Variants in AHCY observed in about 807,000 individuals in gnomAD.
AHCY encodes adenosylhomocysteinase.
AHCY carries 24 observed loss-of-function variants against 45.4 expected under a neutral mutation model. The ratio of observed to expected loss-of-function variants is 0.53; its 90% confidence interval spans 0.38 to 0.74. The LOEUF is 0.74. Ranked by LOEUF, AHCY falls within the 30% of genes least tolerant of loss-of-function variation. The pLI is 0.00. For synonymous variants in AHCY, 245 were observed against 235.1 expected (o/e 1.04, Z -0.39); for missense variants, 449 against 594.1 (o/e 0.76, Z 2.54).
the AHCY span, among the ~76,000 whole-genome samples, chr20:34,275,131 CTTTTTTTTTT>C: frequency 1.0e-5 from 1 of 99,452 alleles, no homozygotes; most frequent in Non-Finnish European, 2.3e-5. Flanking sequence ...TCTCTATTTT[CTTTTTTTTTT>C]TTTTTTTTTG....
chr20:34,269,939 T>A, the AHCY span, among the ~76,000 whole-genome samples: 2 of 73,974 alleles, frequency 2.7e-5, no homozygotes, highest in African/African-American at 7.1e-5. Flanking sequence ...AGCGAGAAAC[T>A]CTGTCTTAAA....
At chr20:34,235,917 A>AGGAGGGAG in the AHCY span, among the ~76,000 whole-genome samples, 1 of 131,074 alleles carries the variant, frequency 7.6e-6, no homozygotes, top group African/African-American at 3.3e-5. Flanking sequence ...GAAGGAAGGA[A>AGGAGGGAG]GGAAGGAAGG....
At chr20:34,263,178 A>C in the AHCY span, among the ~76,000 whole-genome samples, 1 of 152,340 alleles carries the variant, frequency 6.6e-6, no homozygotes, top group East Asian at 1.9e-4. Context: ...TTTTGGATGA[A>C]TGTGGTGTTT....
chr20:34,302,106 T>A, intron 1 of AHCY: 1 of 486,450 alleles, frequency 2.1e-6, no homozygotes, highest in Non-Finnish European at 2.7e-6. Context: ...GCTCAAACAG[T>A]CCTCCTGCCT....
At chr20:34,302,538 A>C in intron 1 of AHCY, 1 of 877,762 alleles carries the variant, frequency 1.1e-6, no homozygotes, top group Non-Finnish European at 1.4e-6. Context: ...CTATAGAGCC[A>C]TGAGACTAGA....
At chr20:34,302,869 G>A in intron 1 of AHCY, 1 of 985,472 alleles carries the variant, frequency 1.0e-6, no homozygotes, top group Non-Finnish European at 1.2e-6. Flanking sequence ...CCGCCCAGCT[G>A]GACAGGGTCC....
chr20:34,274,021 T>G, the AHCY span, among the ~76,000 whole-genome samples: 114,607 of 152,008 alleles, frequency 0.75, 46,128 homozygotes, highest in Non-Finnish European at 0.89. Context: ...ATGCCTTCTT[T>G]TTGCCTGGGG....
At chr20:34,299,064 G>A (rs553682471) in intron 1 of AHCY, among the ~76,000 whole-genome samples, 8 of 152,108 alleles carry the variant, frequency 5.3e-5, no homozygotes, top group African/African-American at 1.2e-4. Flanking sequence ...ACCGGTCTCC[G>A]CGCATTGATG....
downstream of AHCY, among the ~76,000 whole-genome samples, chr20:34,277,882 C>T (rs2035922769): frequency 6.6e-6 from 1 of 152,078 alleles, no homozygotes; most frequent in Non-Finnish European, 1.5e-5. Context: ...GAGTCAGCAG[C>T]AGACCCAGGG....
intron 1 of AHCY, among the ~76,000 whole-genome samples, chr20:34,311,303 G>A (rs538611324): frequency 6.6e-6 from 1 of 152,206 alleles, no homozygotes; most frequent in South Asian, 2.1e-4. Flanking sequence ...ACAAGAAACT[G>A]CTAACAGTGC....
At chr20:34,298,176 C>T (rs928278387) in intron 1 of AHCY, among the ~76,000 whole-genome samples, 4 of 151,848 alleles carry the variant, frequency 2.6e-5, no homozygotes, top group Admixed American at 6.6e-5. Flanking sequence ...GTCCTGTGGG[C>T]GGCAAGCCAC....
chr20:34,304,387 C>G (rs2036868716), upstream of AHCY, among the ~76,000 whole-genome samples: 1 of 152,192 alleles, frequency 6.6e-6, no homozygotes, highest in East Asian at 1.9e-4. Context: ...GGCATATAAC[C>G]TATGCACATT....
At chr20:34,261,511 G>A in the AHCY span, among the ~76,000 whole-genome samples, 3 of 152,212 alleles carry the variant, frequency 2.0e-5, no homozygotes, top group East Asian at 5.8e-4. Context: ...GCATGCGCCT[G>A]TAGTCCTAGC....
intron 1 of AHCY, 69 bp downstream of exon 1, chr20:34,303,174 G>GC (rs896949788): frequency 2.0e-4 from 305 of 1,547,668 alleles, no homozygotes; most frequent in Non-Finnish European, 2.6e-4. Flanking sequence ...CGGCCCTGCA[G>GC]CCCCCGCCAC....
the AHCY span, among the ~76,000 whole-genome samples, chr20:34,235,786 G>GA: frequency 4.9e-5 from 3 of 61,392 alleles, no homozygotes; most frequent in South Asian, 6.7e-4. Flanking sequence ...CTCTGAGAAA[G>GA]AAGAAAGAAA....
At chr20:34,244,496 T>C in the AHCY span, among the ~76,000 whole-genome samples, 1 of 152,204 alleles carries the variant, frequency 6.6e-6, no homozygotes, top group African/African-American at 2.4e-5. Context: ...ATTACCAAAA[T>C]GTTTCCAAGT....
At chr20:34,285,292 G>T in intron 9 of AHCY, 148 bp downstream of exon 9, 1 of 828,808 alleles carries the variant, frequency 1.2e-6, no homozygotes. Context: ...TCTGTCAATG[G>T]GGAGAATGAC....
chr20:34,288,109 G>A (rs974704230), intron 8 of AHCY, among the ~76,000 whole-genome samples: 1 of 152,204 alleles, frequency 6.6e-6, no homozygotes. Flanking sequence ...AGATGGAGGT[G>A]CCCTCTGCCT....
At chr20:34,240,022 A>G in the AHCY span, among the ~76,000 whole-genome samples, 1 of 152,238 alleles carries the variant, frequency 6.6e-6, no homozygotes, top group Non-Finnish European at 1.5e-5. Flanking sequence ...TTTGAGGCAT[A>G]CACACTAACC....
Sources: gnomAD v4.1 joint callset for allele counts (sites outside exome capture counted in the v4.1 genomes callset) on GRCh38, gnomAD v4.1.1 for gene constraint, MANE v1.5 for transcripts, NCBI Gene and HGNC (gene_info 2026-07-23, HGNC 2026-07-21) for gene names.